Variants in ANKRD29 observed in about 807,000 individuals in gnomAD.
ANKRD29 encodes ankyrin repeat domain 29.
ANKRD29 carries 32 observed loss-of-function variants against 38.0 expected under a neutral mutation model. The observed-to-expected ratio is 0.84, with a 90% CI of 0.64 to 1.13. The LOEUF (loss-of-function observed/expected upper bound fraction) is 1.13. Ranked by LOEUF, ANKRD29 falls within the 50% of genes most tolerant of loss-of-function variation. The pLI, the probability that ANKRD29 is intolerant of heterozygous loss-of-function variation, is 0.00. For synonymous variants in ANKRD29, 135 were observed against 152.4 expected (o/e 0.89, Z 0.84); for missense variants, 357 against 377.9 (o/e 0.94, Z 0.46).
intron 6 of ANKRD29, 194 bp from the exon 7 acceptor site, chr18:23,619,823 G>A: frequency 2.0e-6 from 1 of 504,268 alleles, no homozygotes; most frequent in East Asian, 3.4e-5. Context: ...GCCCACGGAC[G>A]CAGACGGCAC....
At chr18:23,622,118 G>A (rs2059804135) in intron 6 of ANKRD29, among the ~76,000 whole-genome samples, 1 of 152,186 alleles carries the variant, frequency 6.6e-6, no homozygotes, top group Non-Finnish European at 1.5e-5. Context: ...GGGAATGAGG[G>A]CTCAGTGTCC....
intron 1 of ANKRD29, among the ~76,000 whole-genome samples, chr18:23,655,190 C>T (rs1325387052): frequency 7.2e-6 from 1 of 139,028 alleles, no homozygotes; most frequent in Non-Finnish European, 1.5e-5. Flanking sequence ...CTGAGTGAAC[C>T]CCCCTCTTGG....
chr18:23,632,967 A>G (rs1043827929), intron 5 of ANKRD29, among the ~76,000 whole-genome samples: 1 of 152,182 alleles, frequency 6.6e-6, no homozygotes, highest in Middle Eastern at 3.2e-3. Context: ...TTACATGTCT[A>G]TGAAAGTATA....
rs750105103 is a variant in ANKRD29 at position 23,646,254 on chromosome 18, C to T, written c.166G>A (p.Ala56Thr). Residue 56 changes from alanine to threonine, a missense_variant, in exon 3 of 10, where the codon GCT becomes ACT. Transcript: ENST00000592179. ...GTTLLMVAAYAGHIDCVRELV... is the reference protein window; with the variant it reads ...GTTLLMVAAYTGHIDCVRELV... Reference sequence around the variant, plus strand: ...TCCCTCACACAGTCTATGTGGCCAGCGTAGGCAGCAACCATCAGGAGTGTG... The same window carrying T: ...TCCCTCACACAGTCTATGTGGCCAGTGTAGGCAGCAACCATCAGGAGTGTG... 107 of 1,613,998 alleles carry T rather than the reference C, an allele frequency of 6.6e-5. No homozygotes were observed. Among genetic ancestry groups the T allele is most frequent in the Middle Eastern group, 1.6e-4 (1 of 6,062 alleles).
At chr18:23,643,926 G>A (rs976699837) in intron 3 of ANKRD29, among the ~76,000 whole-genome samples, 1 of 152,234 alleles carries the variant, frequency 6.6e-6, no homozygotes, top group Non-Finnish European at 1.5e-5. Flanking sequence ...TCAAAGCACT[G>A]CAAGGCACTC....
At chr18:23,616,394 TG>T (rs1479669230) in intron 8 of ANKRD29, among the ~76,000 whole-genome samples, 1 of 149,466 alleles carries the variant, frequency 6.7e-6, no homozygotes, top group African/African-American at 2.5e-5. Flanking sequence ...ATGGGTGCAG[TG>T]GTGTGTGGCT....
chr18:23,604,385 G>A (rs966288939), intron 9 of ANKRD29, among the ~76,000 whole-genome samples: 1 of 152,092 alleles, frequency 6.6e-6, no homozygotes, highest in Non-Finnish European at 1.5e-5. Context: ...TCCTGTCCCT[G>A]TTACTTTCTG....
At chr18:23,618,865 G>A (rs2059756793) in intron 7 of ANKRD29, 2 of 142,778 alleles carry the variant, frequency 1.4e-5, no homozygotes, top group African/African-American at 4.9e-5. Context: ...ATTGTGGGAA[G>A]AAGAAGAGTG....
chr18:23,627,948 C>G lies in ANKRD29; in HGVS notation c.528+1905G>C, dbSNP rs1213221752. Among the ~76,000 whole-genome samples, 3 of 152,300 alleles carry G rather than the reference C, an allele frequency of 2.0e-5. No homozygotes were observed. The East Asian group carries it at 5.8e-4, about 29-fold the overall frequency. On this transcript the variant is annotated intron_variant, in intron 6 of 9. Coordinates refer to ENST00000592179, the MANE Select transcript of ANKRD29 (RefSeq NM_173505.4). ...GTAAAAGTTTTTTTGAAACTGCTTC[C>G]TTTCCCAGGAGTATTCCTGGGGCCA...
chr18:23,612,185 C>A lies in ANKRD29; in HGVS notation c.729G>T (p.Gly243=). ...FSPTLGILKN[G]TSALHAAVLS... ...GCACTGCTGCATGGAGCGCTGATGT[C>A]CCATTCTAAGAGAAAATGACAGTGT... Residue 243 remains glycine, a synonymous_variant, in exon 9 of 10, where the codon GGG becomes GGT. Coordinates refer to ENST00000592179, the MANE Select transcript of ANKRD29 (RefSeq NM_173505.4). 1 of 1,613,106 alleles carries A rather than the reference C, an allele frequency of 6.2e-7. No individual in the cohort carries two copies. The highest frequency in any genetic ancestry group is 8.5e-7 in the Non-Finnish European group (1 of 1,179,496).
Position 23,599,270 on chromosome 18 carries a change from ATTG to A in ANKRD29, c.*1953_*1955del, listed in dbSNP as rs2059486608. On this transcript the variant is annotated 3_prime_UTR_variant, in exon 10 of 10. Coordinates refer to ENST00000592179, the MANE Select transcript of ANKRD29 (RefSeq NM_173505.4). The stretch of plus-strand genomic sequence containing the variant: ...TTCCCTACAGTAAGAAGGCCTCCAT[ATTG>A]TTCAAGCTACTGGCTTCAATTTTAT... 1 of 152,182 alleles carries A rather than the reference ATTG, an allele frequency of 6.6e-6. No individual in the cohort carries two copies. Among genetic ancestry groups the A allele is most frequent in the African/African-American group, 2.4e-5 (1 of 41,450 alleles). 9.4% of individuals were successfully genotyped at this position (152,182 alleles called of 1,614,324 possible). A position where few individuals can be genotyped will look rare whatever the true frequency, so the allele number is the denominator to read the frequency against.
intron 3 of ANKRD29, among the ~76,000 whole-genome samples, chr18:23,642,299 C>T (rs1412746699): frequency 1.3e-5 from 2 of 152,010 alleles, no homozygotes; most frequent in Admixed American, 6.6e-5. Flanking sequence ...CTCCCTGAGC[C>T]AGGGCTATGA....
At chr18:23,633,902 T>C in intron 5 of ANKRD29, 149 bp downstream of exon 5, 1 of 736,608 alleles carries the variant, frequency 1.4e-6, no homozygotes, top group Non-Finnish European at 2.3e-6. Flanking sequence ...AAAGCCCATC[T>C]GGTCCGCTAT....
At chr18:23,653,678 G>A (rs2060239622) in intron 1 of ANKRD29, among the ~76,000 whole-genome samples, 2 of 151,914 alleles carry the variant, frequency 1.3e-5, no homozygotes, top group South Asian at 4.2e-4. Flanking sequence ...CCAGGCTGGA[G>A]TGCAGTGGCG....
chr18:23,639,680 C>T (rs900090788), intron 3 of ANKRD29, among the ~76,000 whole-genome samples: 4 of 151,956 alleles, frequency 2.6e-5, no homozygotes, highest in African/African-American at 7.3e-5. Context: ...GGATTACAGG[C>T]GTGCACCCCC....
Position 23,624,466 on chromosome 18 carries a change from C to CAAAAAAAAAAAAA in ANKRD29, c.529-4850_529-4838dup, listed in dbSNP as rs56005663. Among the ~76,000 whole-genome samples, 87 of 32,430 alleles carry CAAAAAAAAAAAAA rather than the reference C, an allele frequency of 2.7e-3. 9 individuals carry two copies. The highest frequency in any genetic ancestry group is 3.8e-3 in the Non-Finnish European group (56 of 14,576). The allele number at this position is 32,430 out of a possible 152,430, so 21.3% of individuals were successfully genotyped here. A position where few individuals can be genotyped will look rare whatever the true frequency, so the allele number is the denominator to read the frequency against. Reference sequence around the variant, plus strand: ...TGGGCGACAGAGTGAGACTCCATCTCAAAAAAAAAAAAAAAAAAAAAAAAA... The same window carrying CAAAAAAAAAAAAA: ...TGGGCGACAGAGTGAGACTCCATCTCAAAAAAAAAAAAAAAAAAAAAAAAAAAAAAAAAAAAAA... On this transcript the variant is annotated intron_variant, in intron 6 of 9. Transcript: ENST00000592179.
chr18:23,634,781 T>C (rs2039767043), intron 4 of ANKRD29, among the ~76,000 whole-genome samples: 1 of 152,218 alleles, frequency 6.6e-6, no homozygotes, highest in African/African-American at 2.4e-5. Context: ...CTTCTCAATA[T>C]GAGAAACACA....
At chr18:23,611,144 G>T (rs1390829190) in intron 9 of ANKRD29, among the ~76,000 whole-genome samples, 1 of 152,200 alleles carries the variant, frequency 6.6e-6, no homozygotes, top group Non-Finnish European at 1.5e-5. Context: ...TGTAAATGAA[G>T]AATTTAGGAC....
At chr18:23,603,905 C>A (rs374651694) in intron 9 of ANKRD29, among the ~76,000 whole-genome samples, 102 of 151,410 alleles carry the variant, frequency 6.7e-4, no homozygotes, top group African/African-American at 2.4e-3. Flanking sequence ...TGCAGTGGTG[C>A]CATCTCGGCT....
Sources: gnomAD v4.1 joint callset for allele counts (sites outside exome capture counted in the v4.1 genomes callset) on GRCh38, gnomAD v4.1.1 for gene constraint, MANE v1.5 for transcripts, NCBI Gene and HGNC (gene_info 2026-07-23, HGNC 2026-07-21) for gene names.